Variants in HPSE2 observed in about 807,000 individuals in gnomAD.
The protein encoded by HPSE2 is heparanase 2 (inactive).
A neutral mutation model predicts 60.5 loss-of-function variants in HPSE2; 38 were observed. The ratio of observed to expected loss-of-function variants is 0.63; its 90% CI spans 0.48 to 0.82. HPSE2 has a LOEUF of 0.82. HPSE2 is among the 40% of genes least tolerant of loss of function. The pLI, the probability that HPSE2 is intolerant of heterozygous loss-of-function variation, is 0.00. For synonymous variants in HPSE2, 295 were observed against 293.2 expected (o/e 1.01, Z -0.06); for missense variants, 713 against 740.4 (o/e 0.96, Z 0.43).
At chr10:98,499,847 A>C (rs1190599668) in intron 9 of HPSE2, among the ~76,000 whole-genome samples, 2 of 152,238 alleles carry the variant, frequency 1.3e-5, no homozygotes, top group Admixed American at 1.3e-4. Flanking sequence ...GCAAATGGAC[A>C]CCAAAAGCAA....
At chr10:99,246,198 G>A in the HPSE2 span, among the ~76,000 whole-genome samples, 5 of 152,170 alleles carry the variant, frequency 3.3e-5, no homozygotes, top group African/African-American at 1.2e-4. Context: ...TTCGTAAACA[G>A]TCTCTTACAT....
intron 6 of HPSE2, among the ~76,000 whole-genome samples, chr10:98,643,575 T>C (rs1372431349): frequency 6.6e-6 from 1 of 152,200 alleles, no homozygotes; most frequent in African/African-American, 2.4e-5. Flanking sequence ...AAACATTTAT[T>C]ATGTGCAACA....
At chr10:98,646,510 G>A (rs1946774842) in intron 6 of HPSE2, among the ~76,000 whole-genome samples, 1 of 151,906 alleles carries the variant, frequency 6.6e-6, no homozygotes, top group Admixed American at 6.6e-5. Context: ...AACCTTTCTG[G>A]GAACTATCAC....
At chr10:99,264,621 C>A in the HPSE2 span, among the ~76,000 whole-genome samples, 1 of 152,118 alleles carries the variant, frequency 6.6e-6, no homozygotes, top group South Asian at 2.1e-4. Context: ...TTACATTGAA[C>A]CCCCTTGGGC....
intron 7 of HPSE2, among the ~76,000 whole-genome samples, chr10:98,636,429 G>A (rs537697368): frequency 1.8e-4 from 28 of 151,932 alleles, no homozygotes; most frequent in African/African-American, 6.8e-4. Flanking sequence ...TAGTAGAGAC[G>A]GGGTTTCACC....
At chr10:99,190,762 A>G (rs571654945) in intron 2 of HPSE2, among the ~76,000 whole-genome samples, 129 of 152,312 alleles carry the variant, frequency 8.5e-4, no homozygotes, top group Middle Eastern at 3.4e-3. Context: ...TTATAAAAAT[A>G]AAAAAATCAG....
At chr10:98,705,485 A>G (rs1040791840) in intron 5 of HPSE2, among the ~76,000 whole-genome samples, 1 of 152,240 alleles carries the variant, frequency 6.6e-6, no homozygotes, top group African/African-American at 2.4e-5. Context: ...TATTTACAAT[A>G]GCAAAGACAT....
chr10:99,171,008 T>G (rs1847287814), intron 2 of HPSE2, among the ~76,000 whole-genome samples: 1 of 152,238 alleles, frequency 6.6e-6, no homozygotes, highest in African/African-American at 2.4e-5. Flanking sequence ...GTACAGATTA[T>G]ATGCAAATAC....
At chr10:98,769,651 C>T (rs770860326) in intron 3 of HPSE2, among the ~76,000 whole-genome samples, 2 of 152,074 alleles carry the variant, frequency 1.3e-5, no homozygotes, top group Non-Finnish European at 2.9e-5. Context: ...TATTGTGATT[C>T]TAATGTGAGA....
intron 6 of HPSE2, among the ~76,000 whole-genome samples, chr10:98,645,868 C>T (rs1395432775): frequency 1.3e-5 from 2 of 151,820 alleles, no homozygotes; most frequent in African/African-American, 2.4e-5. Flanking sequence ...CCAGCTACTC[C>T]GGAGGCTGAG....
intron 5 of HPSE2, among the ~76,000 whole-genome samples, chr10:98,701,682 C>G (rs1948413919): frequency 6.6e-6 from 1 of 151,582 alleles, no homozygotes; most frequent in African/African-American, 2.4e-5. Flanking sequence ...TAGTTTTAAA[C>G]CCAGAATTTC....
rs1944062105 is a variant in HPSE2, at chr10:98,557,987, CT to C, written c.1320+56916del. Among the ~76,000 whole-genome samples the C allele has an allele frequency of 2.6e-5, 4 of 152,100 alleles. 1 individual carries two copies. The South Asian group carries it at 8.3e-4, about 32-fold the overall frequency. On this transcript the variant is annotated intron_variant, in intron 9 of 11. Coordinates refer to ENST00000370552, the MANE Select transcript of HPSE2 (RefSeq NM_021828.5). ...GTTTGATAGAAAAATGAATAAAACCCTGAACAGACATCTCATAAAAGTAACT... is the reference window on the plus strand; with the variant it reads ...GTTTGATAGAAAAATGAATAAAACCCGAACAGACATCTCATAAAAGTAACT...
chr10:99,192,515 C>T (rs910147425), intron 2 of HPSE2, among the ~76,000 whole-genome samples: 2 of 152,162 alleles, frequency 1.3e-5, no homozygotes, highest in African/African-American at 4.8e-5. Flanking sequence ...CAGCACACCA[C>T]AGACTTAACC....
At chr10:99,225,801 C>G (rs1849453713) in intron 2 of HPSE2, among the ~76,000 whole-genome samples, 2 of 152,120 alleles carry the variant, frequency 1.3e-5, no homozygotes, top group East Asian at 3.9e-4. Flanking sequence ...GCCTAAATTT[C>G]AAGATTCCCA....
the HPSE2 span, among the ~76,000 whole-genome samples, chr10:99,269,586 T>A: frequency 6.6e-6 from 1 of 152,168 alleles, no homozygotes; most frequent in Non-Finnish European, 1.5e-5. Flanking sequence ...GGATTTAAAC[T>A]ATACCCTCGA....
chr10:98,870,930 A>G (rs1266314948), intron 3 of HPSE2, among the ~76,000 whole-genome samples: 7 of 108,348 alleles, frequency 6.5e-5, no homozygotes, highest in Middle Eastern at 4.8e-3. Flanking sequence ...GTTCACAGTG[A>G]TATCTTTAAA....
chr10:98,616,247 A>G (rs1329848013), intron 8 of HPSE2, among the ~76,000 whole-genome samples: 1 of 152,168 alleles, frequency 6.6e-6, no homozygotes, highest in African/African-American at 2.4e-5. Context: ...CCACAGAAAG[A>G]ATCACTTAAC....
At chr10:98,572,000 G>A (rs928386322) in intron 9 of HPSE2, among the ~76,000 whole-genome samples, 17 of 147,406 alleles carry the variant, frequency 1.2e-4, no homozygotes, top group African/African-American at 2.7e-4. Flanking sequence ...GTGCAGTGGC[G>A]TGATCTTGGC....
chr10:99,207,075 G>T (rs1156255426), intron 2 of HPSE2, among the ~76,000 whole-genome samples: 2 of 152,076 alleles, frequency 1.3e-5, no homozygotes, highest in Non-Finnish European at 2.9e-5. Flanking sequence ...TTAATCAATT[G>T]CAATCCAAAT....
Sources: allele counts gnomAD v4.1 joint callset (sites outside exome capture counted in the v4.1 genomes callset), GRCh38; gene constraint gnomAD v4.1.1; transcripts MANE v1.5; gene names NCBI Gene and HGNC (gene_info 2026-07-23, HGNC 2026-07-21).